The following CDH13 variants were observed in gnomAD, a reference collection of about 807,000 sequenced individuals.
CDH13 encodes the protein cadherin 13.
Under a neutral mutation model 63.8 loss-of-function variants are expected in CDH13, and 24 were observed. The observed-to-expected ratio is 0.38, with a 90% CI of 0.27 to 0.53. The LOEUF (loss-of-function observed/expected upper bound fraction) is 0.53, where lower values mean the gene tolerates loss of function less well. Ranked by LOEUF, CDH13 falls within the 20% of genes least tolerant of loss-of-function variation. The pLI is 0.85. For missense variants in CDH13, 1,049 were observed against 903.1 expected, an observed-to-expected ratio of 1.16 and a Z score of -2.07; for synonymous variants, 503 against 355.3, an observed-to-expected ratio of 1.42 and a Z score of -4.67.
At chr16:83,744,617 A>G (rs1161789027) in intron 10 of CDH13, among the ~76,000 whole-genome samples, 36 of 152,294 alleles carry the variant, frequency 2.4e-4, no homozygotes, top group Middle Eastern at 3.4e-3. Flanking sequence ...GGACCGTGTG[A>G]GTCACATCAG....
chr16:83,230,567 C>T (rs139453022), intron 5 of CDH13, among the ~76,000 whole-genome samples: 50 of 152,292 alleles, frequency 3.3e-4, no homozygotes, highest in African/African-American at 1.2e-3. Flanking sequence ...TGGAAGATCA[C>T]CTGAGGTCAG....
At chr16:82,934,400 C>T (rs190622217) in intron 2 of CDH13, among the ~76,000 whole-genome samples, 153 of 152,288 alleles carry the variant, frequency 1.0e-3, no homozygotes, top group Non-Finnish European at 1.8e-3. Context: ...AGCTGGGGGG[C>T]CCTGGCTCCA....
chr16:83,767,186 A>T (rs578008464), intron 11 of CDH13, among the ~76,000 whole-genome samples: 1 of 151,968 alleles, frequency 6.6e-6, no homozygotes, highest in Admixed American at 6.6e-5. Context: ...TGTAACATGT[A>T]TATCTAGTCC....
At chr16:82,915,630 A>G (rs907714774) in intron 2 of CDH13, among the ~76,000 whole-genome samples, 3 of 151,908 alleles carry the variant, frequency 2.0e-5, no homozygotes, top group South Asian at 2.1e-4. Context: ...ACTGGATGGC[A>G]TGTCCCAAGG....
chr16:82,686,372 A>G (rs1915070938), intron 1 of CDH13, among the ~76,000 whole-genome samples: 1 of 152,194 alleles, frequency 6.6e-6, no homozygotes, highest in South Asian at 2.1e-4. Context: ...GGATCAATAC[A>G]CTTATAAATG....
chr16:82,768,782 T>G (rs1310145663), intron 1 of CDH13, among the ~76,000 whole-genome samples: 2 of 152,222 alleles, frequency 1.3e-5, no homozygotes, highest in African/African-American at 2.4e-5. Flanking sequence ...CTTTGCTGTC[T>G]AACCCAGCAG....
chr16:82,781,150 C>A (rs1023510314), intron 1 of CDH13, among the ~76,000 whole-genome samples: 1 of 152,196 alleles, frequency 6.6e-6, no homozygotes, highest in Non-Finnish European at 1.5e-5. Context: ...ATAAAAGTGG[C>A]AGTTTTAATA....
rs932672216 is a variant in CDH13 at position 83,747,869 on chromosome 16, C to T, written c.1539-239C>T. Among the ~76,000 whole-genome samples, 4 of 151,746 alleles carry T rather than the reference C, an allele frequency of 2.6e-5. No individual in the cohort carries two copies. In the Middle Eastern group the frequency reaches 0.01, roughly 387 times the overall value. The stretch of plus-strand genomic sequence containing the variant: ...GCTTGGCAGATGGCAAGAACATCTT[C>T]CTCCTGGGAGTGTCAAGAGGAATAA... On this transcript the variant is annotated intron_variant, in intron 10 of 13. Transcript: ENST00000567109.
intron 6 of CDH13, among the ~76,000 whole-genome samples, chr16:83,350,205 T>C (rs1270316047): frequency 6.6e-6 from 1 of 152,096 alleles, no homozygotes; most frequent in Non-Finnish European, 1.5e-5. Context: ...GAGCTGGCTG[T>C]AGGTTGTGTT....
intron 4 of CDH13, among the ~76,000 whole-genome samples, chr16:83,207,774 A>T (rs971489127): frequency 3.3e-5 from 5 of 152,000 alleles, no homozygotes; most frequent in African/African-American, 1.2e-4. Flanking sequence ...AAAAAAAAAA[A>T]AAAAGACTGA....
chr16:83,138,496 T>C (rs1011025497), intron 4 of CDH13, among the ~76,000 whole-genome samples: 3 of 152,120 alleles, frequency 2.0e-5, no homozygotes, highest in Non-Finnish European at 2.9e-5. Context: ...GGGAAGAACA[T>C]GATCCAGTAT....
chr16:83,027,862 C>A (rs1289030413), intron 2 of CDH13, among the ~76,000 whole-genome samples: 2 of 152,178 alleles, frequency 1.3e-5, no homozygotes, highest in East Asian at 3.9e-4. Context: ...AGTAATAGGT[C>A]CCCAATTATT....
chr16:83,628,726 G>C (rs908823270), intron 8 of CDH13, among the ~76,000 whole-genome samples: 6 of 152,242 alleles, frequency 3.9e-5, no homozygotes, highest in Non-Finnish European at 7.4e-5. Context: ...TTTTCTAGCT[G>C]GGCCCGTGTT....
intron 8 of CDH13, among the ~76,000 whole-genome samples, chr16:83,657,111 G>A (rs62045336): frequency 6.6e-6 from 1 of 152,208 alleles, no homozygotes; most frequent in Non-Finnish European, 1.5e-5. Flanking sequence ...CCCTGCATAT[G>A]TAATGGCAAA....
chr16:83,328,784 A>G (rs897994364), intron 5 of CDH13, among the ~76,000 whole-genome samples: 6 of 152,188 alleles, frequency 3.9e-5, no homozygotes, highest in Non-Finnish European at 8.8e-5. Flanking sequence ...ACATTCACCT[A>G]GTAGCTGATG....
intron 5 of CDH13, among the ~76,000 whole-genome samples, chr16:83,227,296 C>T (rs1395782946): frequency 1.3e-5 from 2 of 152,170 alleles, no homozygotes; most frequent in African/African-American, 2.4e-5. Flanking sequence ...GGTGGGTCAC[C>T]GTGGTGACAT....
intron 4 of CDH13, among the ~76,000 whole-genome samples, chr16:83,138,511 G>A (rs773461105): frequency 6.6e-6 from 1 of 152,202 alleles, no homozygotes; most frequent in Non-Finnish European, 1.5e-5. Flanking sequence ...CAGTATCTAC[G>A]GGCGAGAGGG....
intron 6 of CDH13, among the ~76,000 whole-genome samples, chr16:83,420,474 T>TAA (rs1048112431): frequency 1.1e-4 from 17 of 152,214 alleles, no homozygotes; most frequent in Non-Finnish European, 2.2e-4. Flanking sequence ...AGGAGTATTT[T>TAA]GGTAGCTGTG....
chr16:83,427,201 A>C lies in CDH13; in HGVS notation c.782-59276A>C, dbSNP rs2071937253. 3.3e-5 allele frequency among the ~76,000 whole-genome samples: 5 copies of C among 151,876 alleles called. No homozygotes were observed. In the South Asian group the frequency reaches 1.0e-3, roughly 32 times the overall value. On this transcript the variant is annotated intron_variant, in intron 6 of 13. Coordinates refer to ENST00000567109, the MANE Select transcript of CDH13 (RefSeq NM_001257.5). ...AGTGCTGGGATTACAGGTGTGAGCC[A>C]CCGCGCCCGGCCTAAATATGTTTCT...
Sources: allele counts gnomAD v4.1 joint callset (sites outside exome capture counted in the v4.1 genomes callset), GRCh38; gene constraint gnomAD v4.1.1; transcripts MANE v1.5; gene names NCBI Gene and HGNC (gene_info 2026-07-23, HGNC 2026-07-21).